Variants in FNDC1 observed in about 807,000 individuals in gnomAD.
The protein encoded by FNDC1 is fibronectin type III domain-containing protein 1.
FNDC1 carries 96 observed loss-of-function variants against 168.0 expected under a neutral mutation model. The observed-to-expected ratio is 0.57, with a 90% CI of 0.48 to 0.68. The LOEUF (loss-of-function observed/expected upper bound fraction) is 0.68, where lower values mean the gene tolerates loss of function less well. Ranked by LOEUF, FNDC1 falls within the 30% of genes least tolerant of loss-of-function variation. The pLI is 0.00. For synonymous variants in FNDC1, 1,099 were observed against 1,025.9 expected, an observed-to-expected ratio of 1.07 and a Z score of -1.36; for missense variants, 2,587 against 2,482.1, an observed-to-expected ratio of 1.04 and a Z score of -0.90.
chr6:159,260,034 G>A (rs1051398039), intron 18 of FNDC1, among the ~76,000 whole-genome samples: 1 of 152,174 alleles, frequency 6.6e-6, no homozygotes, highest in Non-Finnish European at 1.5e-5. Flanking sequence ...TAAAAATGTA[G>A]TGCATTTTAA....
At chr6:159,192,613 A>T (rs962325181) in intron 1 of FNDC1, among the ~76,000 whole-genome samples, 3 of 152,224 alleles carry the variant, frequency 2.0e-5, no homozygotes, top group African/African-American at 7.2e-5. Context: ...GAATAATTGG[A>T]TATTGAATTT....
intron 4 of FNDC1, among the ~76,000 whole-genome samples, chr6:159,209,738 A>G (rs1478482652): frequency 6.6e-6 from 1 of 152,230 alleles, no homozygotes; most frequent in Non-Finnish European, 1.5e-5. Context: ...CATGACATTA[A>G]TAATTGGCAT....
Position 159,233,335 on chromosome 6 carries a change from G to T in FNDC1, c.2823G>T (p.Lys941Asn). Residue 941 changes from lysine (K) to asparagine (N), a missense_variant, in exon 11 of 23, where the codon AAG becomes AAT. By Grantham distance (94) the Lys-to-Asn change is moderately conservative. Coordinates refer to ENST00000297267, the MANE Select transcript of FNDC1 (RefSeq NM_032532.3). The surrounding 1 kb of genome is among the most constrained non-coding windows in gnomAD (Gnocchi z 4.6). ...GGGCAGATACACATCCTCAGGGCAA[G>T]TACTCCTCCCTGGCCTCCAAGGCTC... Reference protein sequence around the residue: ...STGADTHPQGKYSSLASKAQD... With the variant: ...STGADTHPQGNYSSLASKAQD... 1.9e-6 allele frequency: 3 copies of T among 1,613,948 alleles called. No homozygotes were observed. Among genetic ancestry groups the T allele is most frequent in the South Asian group, 2.2e-5 (2 of 91,064 alleles).
chr6:159,214,861 T>C, intron 4 of FNDC1, 84 bp from the exon 5 acceptor site: 2 of 1,159,184 alleles, frequency 1.7e-6, no homozygotes, highest in Non-Finnish European at 1.3e-6. Context: ...TTGTTGAGGC[T>C]CAGGGTCTGA....
intron 1 of FNDC1, among the ~76,000 whole-genome samples, chr6:159,178,785 A>G (rs1007742394): frequency 6.6e-6 from 1 of 151,252 alleles, no homozygotes; most frequent in Admixed American, 6.6e-5. Context: ...ATGGCATGCA[A>G]TTTGGCATCT....
At position 159,251,552 on chromosome 6, in the gene FNDC1, C is replaced by T. The variant is rs928711663; in HGVS notation, c.5065+20C>T. The T allele has an allele frequency of 2.5e-6, 4 of 1,598,394 alleles. No homozygotes were observed. The African/African-American group carries it at 5.4e-5, about 21-fold the overall frequency. ...TCACAGGTGTGTCCTAAGCAGAAAT[C>T]AGAGTTCCCATGATCTGTAGGTGGG... On this transcript the variant is annotated intron_variant, in intron 17 of 22. Transcript: ENST00000297267.
At chr6:159,202,481 A>C (rs1439304305) in intron 4 of FNDC1, among the ~76,000 whole-genome samples, 1 of 152,212 alleles carries the variant, frequency 6.6e-6, no homozygotes, top group East Asian at 1.9e-4. Context: ...TCATTCAAAG[A>C]GGAATTTGCC....
At chr6:159,193,959 C>T (rs1333739902) in intron 1 of FNDC1, among the ~76,000 whole-genome samples, 1 of 152,156 alleles carries the variant, frequency 6.6e-6, no homozygotes, top group East Asian at 1.9e-4. Flanking sequence ...TATTATTTTG[C>T]CACTCAGTCC....
intron 12 of FNDC1, among the ~76,000 whole-genome samples, chr6:159,238,286 A>G (rs1783313511): frequency 6.6e-6 from 1 of 151,488 alleles, no homozygotes; most frequent in Non-Finnish European, 1.5e-5. Flanking sequence ...TTTAGTAGAG[A>G]CGGGGTTTCA....
At chr6:159,188,814 C>A (rs546399417) in intron 1 of FNDC1, among the ~76,000 whole-genome samples, 3 of 148,362 alleles carry the variant, frequency 2.0e-5, no homozygotes, top group African/African-American at 7.5e-5. Context: ...GTGGCAAAAT[C>A]TCAGCTCACT....
chr6:159,200,831 A>T (rs1782364622), intron 4 of FNDC1, among the ~76,000 whole-genome samples: 2 of 152,106 alleles, frequency 1.3e-5, no homozygotes, highest in Non-Finnish European at 2.9e-5. Flanking sequence ...ACATCTGGGG[A>T]TATTGTTGCC....
chr6:159,223,655 CTTAT>C lies in FNDC1; in HGVS notation c.884+17_884+20del, dbSNP rs139360859. 1.0e-5 allele frequency: 16 copies of C among 1,560,844 alleles called. No homozygotes were observed. In the African/African-American group the frequency reaches 1.8e-4, roughly 17 times the overall value. On this transcript the variant is annotated intron_variant, in intron 7 of 22. Transcript: ENST00000297267. Reference sequence around the variant, plus strand: ...AAGTTGTTGCATCAAGGTACTTTTGCTTATTTATTTGTCTTTATATATGAGAGAT... The same window carrying C: ...AAGTTGTTGCATCAAGGTACTTTTGCTTATTTGTCTTTATATATGAGAGAT...
At chr6:159,211,458 A>C (rs1320171136) in intron 4 of FNDC1, among the ~76,000 whole-genome samples, 2 of 152,240 alleles carry the variant, frequency 1.3e-5, no homozygotes, top group Non-Finnish European at 2.9e-5. Context: ...ATGAAGATGA[A>C]TAACGCTCTT....
chr6:159,231,538 G>T (rs1351128499), intron 10 of FNDC1, among the ~76,000 whole-genome samples: 1 of 152,096 alleles, frequency 6.6e-6, no homozygotes, highest in African/African-American at 2.4e-5. Context: ...GTTTTATTAA[G>T]AAAATCCTAT....
Position 159,256,645 on chromosome 6 carries a change from G to C in FNDC1, c.5174+14G>C. ...GCCCAACACGAGGTACGATGTGTCAGTCATTTAGAAAAGATGAGATCCATG... is the reference window on the plus strand; with the variant it reads ...GCCCAACACGAGGTACGATGTGTCACTCATTTAGAAAAGATGAGATCCATG... On this transcript the variant is annotated intron_variant, in intron 18 of 22. Coordinates refer to ENST00000297267, the MANE Select transcript of FNDC1 (RefSeq NM_032532.3). 4 of 1,576,546 alleles carry C rather than the reference G, an allele frequency of 2.5e-6. No individual in the cohort carries two copies. Among genetic ancestry groups the C allele is most frequent in the Non-Finnish European group, 3.5e-6 (4 of 1,146,862 alleles).
chr6:159,204,380 G>A (rs1382376305), intron 4 of FNDC1, among the ~76,000 whole-genome samples: 2 of 152,134 alleles, frequency 1.3e-5, no homozygotes, highest in Admixed American at 1.3e-4. Context: ...TACAGATAGA[G>A]TTGATCCCTT....
chr6:159,187,012 G>A (rs182680947), intron 1 of FNDC1, among the ~76,000 whole-genome samples: 8 of 152,308 alleles, frequency 5.3e-5, no homozygotes, highest in Non-Finnish European at 1.0e-4. Context: ...TGACAACCAC[G>A]GGGAATTTAG....
At chr6:159,188,634 T>C (rs1389237431) in intron 1 of FNDC1, among the ~76,000 whole-genome samples, 1 of 151,660 alleles carries the variant, frequency 6.6e-6, no homozygotes, top group Admixed American at 6.6e-5. Context: ...TGCCTCGGCC[T>C]CCCAAAGTGC....
intron 4 of FNDC1, among the ~76,000 whole-genome samples, chr6:159,209,069 A>C (rs1229407154): frequency 3.3e-5 from 5 of 152,136 alleles, no homozygotes; most frequent in Admixed American, 6.5e-5. Context: ...CTGGTCCCGA[A>C]CTCCCGACCT....
Sources: allele counts gnomAD v4.1 joint callset (sites outside exome capture counted in the v4.1 genomes callset), GRCh38; gene constraint gnomAD v4.1.1; non-coding constraint Gnocchi (gnomAD v3.1); transcripts MANE v1.5; gene names NCBI Gene and HGNC (gene_info 2026-07-23, HGNC 2026-07-21).